The following GALNTL6 variants were observed in gnomAD, a reference collection of about 807,000 sequenced individuals.
GALNTL6 encodes the protein polypeptide N-acetylgalactosaminyltransferase-like 6.
GALNTL6 carries 46 observed loss-of-function variants against 73.7 expected under a neutral mutation model. That is an observed-to-expected ratio of 0.62 (90% confidence interval 0.49 to 0.80). The LOEUF (loss-of-function observed/expected upper bound fraction) is 0.80. Among genes scored for constraint, GALNTL6 ranks in the 30% least tolerant of loss-of-function variants. The pLI is 0.00. For synonymous variants in GALNTL6, 259 were observed against 263.7 expected, an observed-to-expected ratio of 0.98 and a Z score of 0.17; for missense variants, 604 against 755.0, an observed-to-expected ratio of 0.80 and a Z score of 2.34.
In GALNTL6 at chr4:172,413,114, C is replaced by T. The variant is rs143170886; in HGVS notation, c.553+64425C>T. Among the ~76,000 whole-genome samples, 371 of 152,256 alleles carry T rather than the reference C, an allele frequency of 2.4e-3. 2 individuals are homozygous for T. Among genetic ancestry groups the T allele is most frequent in the African/African-American group, 8.3e-3 (346 of 41,544 alleles). ...AAGTGAATCACATAACTATTCATAG[C>T]CGAGTCAAACTGGTAAAGCAAAGAA... On this transcript the variant is annotated intron_variant, in intron 5 of 12. Coordinates refer to ENST00000506823, the MANE Select transcript of GALNTL6 (RefSeq NM_001034845.3).
intron 2 of GALNTL6, among the ~76,000 whole-genome samples, chr4:171,994,046 G>C (rs1740415074): frequency 6.6e-6 from 1 of 152,026 alleles, no homozygotes; most frequent in Admixed American, 6.6e-5. Flanking sequence ...CCTTTATATT[G>C]TTATGTCATT....
intron 2 of GALNTL6, among the ~76,000 whole-genome samples, chr4:172,153,111 A>G (rs2220655): frequency 0.32 from 48,109 of 152,208 alleles, 9,004 homozygotes; most frequent in South Asian, 0.51. Context: ...TATTGACACC[A>G]ACCCCTAAAC....
chr4:172,204,207 A>T (rs950242669), intron 2 of GALNTL6, among the ~76,000 whole-genome samples: 1 of 152,228 alleles, frequency 6.6e-6, no homozygotes, highest in Non-Finnish European at 1.5e-5. Context: ...AAATATACCT[A>T]AAAAAATCAA....
chr4:172,154,226 TTTTGTTTG>T (rs553359174), intron 2 of GALNTL6, among the ~76,000 whole-genome samples: 19 of 151,908 alleles, frequency 1.3e-4, no homozygotes, highest in African/African-American at 3.6e-4. Context: ...TGACTTTGTT[TTTTGTTTG>T]TTTGTTTGTT....
At chr4:172,498,075 C>A (rs960526641) in intron 5 of GALNTL6, among the ~76,000 whole-genome samples, 3 of 148,492 alleles carry the variant, frequency 2.0e-5, no homozygotes, top group African/African-American at 7.4e-5. Context: ...ACTGTAACCT[C>A]CGCCTCCCAG....
chr4:172,269,145 C>T (rs1383976667), intron 3 of GALNTL6, among the ~76,000 whole-genome samples: 1 of 152,142 alleles, frequency 6.6e-6, no homozygotes, highest in Non-Finnish European at 1.5e-5. Context: ...TCACCTACAC[C>T]AAGCCACTGC....
intron 5 of GALNTL6, among the ~76,000 whole-genome samples, chr4:172,540,422 A>G (rs6849432): frequency 0.042 from 6,381 of 152,118 alleles, 429 homozygotes; most frequent in African/African-American, 0.14. Context: ...AGATGATTAA[A>G]AACAAAATCT....
chr4:172,295,531 G>GTTTTTTTTTTTTTTTT (rs58721038), intron 3 of GALNTL6, among the ~76,000 whole-genome samples: 4 of 73,154 alleles, frequency 5.5e-5, no homozygotes, highest in Admixed American at 1.7e-4. Context: ...CTTTTTTTAG[G>GTTTTTTTTTTTTTTTT]TTTTTTTTTT....
At chr4:172,470,700 G>T (rs1037019221) in intron 5 of GALNTL6, among the ~76,000 whole-genome samples, 3 of 152,176 alleles carry the variant, frequency 2.0e-5, no homozygotes, top group Non-Finnish European at 4.4e-5. Flanking sequence ...AAAGGTTTTA[G>T]TTGGCTTCTT....
chr4:172,856,685 G>A (rs1376427427), intron 7 of GALNTL6, among the ~76,000 whole-genome samples: 1 of 152,192 alleles, frequency 6.6e-6, no homozygotes, highest in African/African-American at 2.4e-5. Flanking sequence ...TTAAAAGCAG[G>A]CAGGACAAGG....
At chr4:172,765,578 T>C (rs995185387) in intron 5 of GALNTL6, among the ~76,000 whole-genome samples, 2 of 152,100 alleles carry the variant, frequency 1.3e-5, no homozygotes, top group Non-Finnish European at 2.9e-5. Flanking sequence ...GTCCAAAAAT[T>C]AGCTCACCAC....
chr4:172,872,491 TC>T (rs779916604), intron 7 of GALNTL6, among the ~76,000 whole-genome samples: 6 of 152,052 alleles, frequency 3.9e-5, no homozygotes, highest in Non-Finnish European at 8.8e-5. Flanking sequence ...GTAAATACCT[TC>T]TCCTAAAAAT....
chr4:172,630,121 A>G (rs564703399), intron 5 of GALNTL6, among the ~76,000 whole-genome samples: 2 of 152,154 alleles, frequency 1.3e-5, no homozygotes, highest in Admixed American at 6.5e-5. Context: ...TCTTTTTTCA[A>G]TCTGCAAATA....
rs138970934 is a variant in GALNTL6 at position 172,777,742 on chromosome 4, T to G, written c.554-31619T>G. Among the ~76,000 whole-genome samples the G allele has an allele frequency of 8.4e-4, 127 of 151,310 alleles. 1 individual carries two copies. In the South Asian group the frequency reaches 0.016, roughly 19 times the overall value. On this transcript the variant is annotated intron_variant, in intron 5 of 12. Transcript: ENST00000506823. ...AGAGACTTCCATAGAAGGAGGTGGG[T>G]TTTTTTTTCTCTCACAATGGAGTAG...
rs117749545 is a variant in GALNTL6, at chr4:171,826,592, A to G, written c.138+11874A>G. Among the ~76,000 whole-genome samples the G allele has an allele frequency of 2.8e-4, 43 of 152,204 alleles. No individual in the cohort carries two copies. The East Asian group carries it at 6.8e-3, about 24-fold the overall frequency. ...CTCAGGCTGAATCTGACTCCTGCTA[A>G]TCTGCATTAACCCCTTTCGCCAATA... On this transcript the variant is annotated intron_variant, in intron 2 of 12. Transcript: ENST00000506823.
At chr4:171,959,389 T>C in intron 2 of GALNTL6, among the ~76,000 whole-genome samples, 1 of 152,358 alleles carries the variant, frequency 6.6e-6, no homozygotes, top group South Asian at 2.1e-4. Flanking sequence ...CCGATAGAGC[T>C]ATTACAATTT....
Position 171,913,716 on chromosome 4 carries a change from G to A in GALNTL6, c.138+98998G>A, listed in dbSNP as rs559473703. 6.6e-5 allele frequency among the ~76,000 whole-genome samples: 10 copies of A among 152,206 alleles called. No homozygotes were observed. In the East Asian group the frequency reaches 1.2e-3, roughly 18 times the overall value. On this transcript the variant is annotated intron_variant, in intron 2 of 12. Coordinates refer to ENST00000506823, the MANE Select transcript of GALNTL6 (RefSeq NM_001034845.3). ...CACACACATATTAGCTGTTGCTATC[G>A]TTGAAACAGTGTCTTTTCAGAGAAA...
chr4:171,858,993 T>C (rs1367264065), intron 2 of GALNTL6, among the ~76,000 whole-genome samples: 1 of 152,210 alleles, frequency 6.6e-6, no homozygotes, highest in Non-Finnish European at 1.5e-5. Context: ...ATGTGCAATA[T>C]ACCGGCTTCT....
chr4:172,699,969 G>A (rs1733935504), intron 5 of GALNTL6, among the ~76,000 whole-genome samples: 1 of 152,086 alleles, frequency 6.6e-6, no homozygotes, highest in Non-Finnish European at 1.5e-5. Flanking sequence ...GAAACAAATT[G>A]TGTAGCAGAT....
Sources: gnomAD v4.1 joint callset for allele counts (sites outside exome capture counted in the v4.1 genomes callset) on GRCh38, gnomAD v4.1.1 for gene constraint, MANE v1.5 for transcripts, NCBI Gene and HGNC (gene_info 2026-07-23, HGNC 2026-07-21) for gene names.